GPR180: variants seen among roughly 807,000 people sequenced by gnomAD.
The protein encoded by GPR180 is integral membrane protein GPR180.
A neutral mutation model predicts 52.6 loss-of-function variants in GPR180; 53 were observed. The ratio of observed to expected loss-of-function variants is 1.01; its 90% CI spans 0.81 to 1.27. The LOEUF (loss-of-function observed/expected upper bound fraction) is 1.27. GPR180 is among the 50% of genes most tolerant of loss of function. The pLI, the probability that GPR180 is intolerant of heterozygous loss-of-function variation, is 0.00. For synonymous variants in GPR180, 200 were observed against 193.1 expected, an observed-to-expected ratio of 1.04 and a Z score of -0.30; for missense variants, 533 against 527.0, an observed-to-expected ratio of 1.01 and a Z score of -0.11.
chr13:94,604,448 GC>G (rs1018188850), intron 1 of GPR180, among the ~76,000 whole-genome samples: 10 of 152,074 alleles, frequency 6.6e-5, no homozygotes, highest in African/African-American at 9.7e-5. Flanking sequence ...GGAGGCGCAT[GC>G]CTGTAATCCC....
At chr13:94,610,461 C>A (rs1054923493) in intron 2 of GPR180, among the ~76,000 whole-genome samples, 1 of 152,080 alleles carries the variant, frequency 6.6e-6, no homozygotes, top group Non-Finnish European at 1.5e-5. Context: ...TTCATTTGCC[C>A]CTCACAAGAA....
In GPR180 at chr13:94,629,212, G is replaced by C. The variant is rs1889963590; in HGVS notation, c.*2041G>C. The stretch of plus-strand genomic sequence containing the variant: ...CTCTTTTTCTGAATGTTTACATAGA[G>C]ATTCATCACTGCAGATTACAGAAAG... On this transcript the variant is annotated 3_prime_UTR_variant, in exon 9 of 9. Coordinates refer to ENST00000376958, the MANE Select transcript of GPR180 (RefSeq NM_180989.6). The C allele has an allele frequency of 6.6e-6, 1 of 152,062 alleles. No homozygotes were observed. The highest frequency in any genetic ancestry group is 2.4e-5 in the African/African-American group (1 of 41,418). 9.4% of individuals were successfully genotyped at this position (152,062 alleles called of 1,614,324 possible).
At chr13:94,611,011 T>G (rs1889696026) in intron 2 of GPR180, among the ~76,000 whole-genome samples, 1 of 152,206 alleles carries the variant, frequency 6.6e-6, no homozygotes, top group Non-Finnish European at 1.5e-5. Context: ...AATAACTTAG[T>G]GCTTATATCA....
At chr13:94,605,150 G>A (rs190780690) in intron 1 of GPR180, among the ~76,000 whole-genome samples, 4 of 152,198 alleles carry the variant, frequency 2.6e-5, no homozygotes, top group Admixed American at 1.3e-4. Flanking sequence ...CAGATATTGC[G>A]GTTTATTGAG....
At chr13:94,625,845 G>T in intron 7 of GPR180, 121 bp from the exon 8 acceptor site, 1 of 521,320 alleles carries the variant, frequency 1.9e-6, no homozygotes, top group Non-Finnish European at 3.5e-6. Flanking sequence ...ATTGCAGGCT[G>T]TACTCTAAAG....
At chr13:94,611,149 T>A (rs1350206337) in intron 2 of GPR180, among the ~76,000 whole-genome samples, 2 of 152,176 alleles carry the variant, frequency 1.3e-5, no homozygotes. Flanking sequence ...ATCTGAATGA[T>A]GCCACACACC....
chr13:94,604,249 G>T (rs896046918), intron 1 of GPR180, among the ~76,000 whole-genome samples: 1 of 151,988 alleles, frequency 6.6e-6, no homozygotes, highest in Non-Finnish European at 1.5e-5. Flanking sequence ...CAGGAGAATC[G>T]CTTGAACCGG....
chr13:94,609,766 A>T (rs1481004130), intron 2 of GPR180, among the ~76,000 whole-genome samples: 4 of 149,084 alleles, frequency 2.7e-5, no homozygotes, highest in African/African-American at 7.4e-5. Flanking sequence ...TTTTTTTTTT[A>T]AAGGTAGTTT....
chr13:94,606,084 G>T (rs1335447186), intron 2 of GPR180, among the ~76,000 whole-genome samples: 2 of 152,196 alleles, frequency 1.3e-5, no homozygotes, highest in South Asian at 4.1e-4. Context: ...CTGAGGTTGG[G>T]AGTTTGAGAC....
intron 2 of GPR180, among the ~76,000 whole-genome samples, chr13:94,606,482 C>T (rs533868301): frequency 9.2e-5 from 14 of 152,208 alleles, no homozygotes; most frequent in Admixed American, 3.3e-4. Context: ...TTTTTAAATA[C>T]GGAAATGAAG....
chr13:94,612,917 A>G (rs895690459), intron 3 of GPR180, among the ~76,000 whole-genome samples: 1 of 152,108 alleles, frequency 6.6e-6, no homozygotes, highest in African/African-American at 2.4e-5. Flanking sequence ...ATTGAAGCTT[A>G]CAACAATTTA....
intron 1 of GPR180, among the ~76,000 whole-genome samples, chr13:94,604,870 A>C (rs757571438): frequency 1.3e-5 from 2 of 152,118 alleles, no homozygotes; most frequent in Non-Finnish European, 2.9e-5. Flanking sequence ...CACTGTGCCC[A>C]GCCCCTGAAA....
chr13:94,605,622 T>C (rs112389074), intron 2 of GPR180, 73 bp downstream of exon 2: 16 of 1,217,496 alleles, frequency 1.3e-5, no homozygotes, highest in Middle Eastern at 2.1e-4. Context: ...TAGTACCATA[T>C]GTACATATGT....
At position 94,627,078 on chromosome 13, in the gene GPR180, GTCTCACAGTCTA is replaced by G; in HGVS notation, c.1232_1243del (p.Ser411_Leu414del). 1 of 1,611,184 alleles carries G rather than the reference GTCTCACAGTCTA, an allele frequency of 6.2e-7. No homozygotes were observed. The highest frequency in any genetic ancestry group is 8.5e-7 in the Non-Finnish European group (1 of 1,177,912). ...TGGTTATTCTCTACAGACTCTTTCT[GTCTCACAGTCTA>G]TACTGGGAAGTTTCTTCACTTTCTT... On this transcript the variant is annotated inframe_deletion, in exon 9 of 9. Coordinates refer to ENST00000376958, the MANE Select transcript of GPR180 (RefSeq NM_180989.6).
chr13:94,616,402 C>T (rs535133897), intron 3 of GPR180, among the ~76,000 whole-genome samples: 45 of 152,170 alleles, frequency 3.0e-4, no homozygotes, highest in Non-Finnish European at 4.9e-4. Flanking sequence ...CATGGGGAGG[C>T]GGGAATGTCT....
chr13:94,631,904 G>A lies in GPR180; in HGVS notation c.*4733G>A, dbSNP rs1224632295. 6.6e-6 allele frequency: 1 copy of A among 152,036 alleles called. No homozygotes were observed. The highest frequency in any genetic ancestry group is 2.4e-5 in the African/African-American group (1 of 41,396). The allele number at this position is 152,036 out of a possible 1,614,324, so 9.4% of individuals were successfully genotyped here. On this transcript the variant is annotated 3_prime_UTR_variant, in exon 9 of 9. Coordinates refer to ENST00000376958, the MANE Select transcript of GPR180 (RefSeq NM_180989.6). ...GTCCTGTAATAGGACCATGTGTCTG[G>A]TTTCTGGCCTGCCACAACCAGAAGC...
rs1388220319 is a variant in GPR180 at position 94,627,548 on chromosome 13, C to T, written c.*377C>T. On this transcript the variant is annotated 3_prime_UTR_variant, in exon 9 of 9. Transcript: ENST00000376958. ...AAGTAATCAGTTAAATGATTACTTG[C>T]TTATAAATATCTAAACTAGTCCAGT... 1.5e-5 allele frequency: 3 copies of T among 193,752 alleles called. No homozygotes were observed. Among genetic ancestry groups the T allele is most frequent in the South Asian group, 1.1e-4 (1 of 9,460 alleles). 12.0% of individuals were successfully genotyped at this position (193,752 alleles called of 1,614,324 possible).
intron 7 of GPR180, among the ~76,000 whole-genome samples, chr13:94,624,414 C>G (rs1889894918): frequency 6.6e-6 from 1 of 152,068 alleles, no homozygotes; most frequent in Admixed American, 6.6e-5. Flanking sequence ...CTGCTGCAGC[C>G]CTAAGAACCA....
At position 94,607,028 on chromosome 13, in the gene GPR180, A is replaced by C. The variant is rs147102196; in HGVS notation, c.304+1479A>C. On this transcript the variant is annotated intron_variant, in intron 2 of 8. Transcript: ENST00000376958. ...TTCCTCTGGCGTCTAAACTGAACTCACCATCTTCCCCATCCAGACCTGGTC... is the reference window on the plus strand; with the variant it reads ...TTCCTCTGGCGTCTAAACTGAACTCCCCATCTTCCCCATCCAGACCTGGTC... Among the ~76,000 whole-genome samples, 14 of 152,292 alleles carry C rather than the reference A, an allele frequency of 9.2e-5. No individual in the cohort carries two copies. In the East Asian group the frequency reaches 1.5e-3, roughly 17 times the overall value.
Sources: allele counts gnomAD v4.1 joint callset (sites outside exome capture counted in the v4.1 genomes callset), GRCh38; gene constraint gnomAD v4.1.1; transcripts MANE v1.5; gene names NCBI Gene and HGNC (gene_info 2026-07-23, HGNC 2026-07-21).